SMAD6: variants seen among roughly 807,000 people sequenced by gnomAD.
SMAD6 encodes the protein MAD homolog 6.
In SMAD6, 103 loss-of-function variants were observed where a neutral mutation model predicts 39.4. The ratio of observed to expected loss-of-function variants is 2.62; its 90% CI spans 2.23 to 3.08. The LOEUF (loss-of-function observed/expected upper bound fraction) is 3.08. Ranked by LOEUF, SMAD6 falls within the 30% of genes most tolerant of loss-of-function variation. The pLI is 0.00. For synonymous variants in SMAD6, 445 were observed against 353.3 expected (o/e 1.26, Z -2.91); for missense variants, 1,104 against 742.9 (o/e 1.49, Z -5.65).
At chr15:66,751,265 G>A (rs1032011441) in intron 3 of SMAD6, among the ~76,000 whole-genome samples, 1 of 152,198 alleles carries the variant, frequency 6.6e-6, no homozygotes, top group Non-Finnish European at 1.5e-5. Context: ...AGAATCCGAA[G>A]GTGGGGCCAG....
At chr15:66,765,245 G>T (rs1894268407) in intron 3 of SMAD6, among the ~76,000 whole-genome samples, 1 of 151,842 alleles carries the variant, frequency 6.6e-6, no homozygotes, top group African/African-American at 2.4e-5. Context: ...TTTTTTTTGA[G>T]ACAGAGTCTG....
At chr15:66,736,634 C>T (rs1223711678) in intron 3 of SMAD6, among the ~76,000 whole-genome samples, 1 of 152,036 alleles carries the variant, frequency 6.6e-6, no homozygotes, top group African/African-American at 2.4e-5. Context: ...ACATCAGAGT[C>T]CCTGTTAGAC....
chr15:66,720,123 T>G (rs1893406086), intron 3 of SMAD6, among the ~76,000 whole-genome samples: 1 of 152,240 alleles, frequency 6.6e-6, no homozygotes, highest in Admixed American at 6.5e-5. Context: ...TCCTCTTCTC[T>G]GCTGTATTTC....
chr15:66,771,258 T>C (rs1368692653), intron 3 of SMAD6, among the ~76,000 whole-genome samples: 1 of 152,178 alleles, frequency 6.6e-6, no homozygotes, highest in East Asian at 1.9e-4. Flanking sequence ...GAGGAGACAC[T>C]GAGCAGGCCT....
In SMAD6 at chr15:66,742,121, G is replaced by A. The variant is rs1893825876; in HGVS notation, c.952+25623G>A. On this transcript the variant is annotated intron_variant, in intron 3 of 3. Transcript: ENST00000288840. ...GGGTAGTCACTTACTCAGAGCTAGTGACCTTTTAAGCCTCAGCATATGGAA... is the reference window on the plus strand; with the variant it reads ...GGGTAGTCACTTACTCAGAGCTAGTAACCTTTTAAGCCTCAGCATATGGAA... Among the ~76,000 whole-genome samples the A allele has an allele frequency of 2.0e-5, 3 of 152,168 alleles. No homozygotes were observed. In the South Asian group the frequency reaches 6.2e-4, roughly 32 times the overall value.
At chr15:66,757,468 C>A (rs1894121626) in intron 3 of SMAD6, among the ~76,000 whole-genome samples, 1 of 152,166 alleles carries the variant, frequency 6.6e-6, no homozygotes. Flanking sequence ...TGAGCAGAGG[C>A]CCAGAGATGG....
intron 3 of SMAD6, among the ~76,000 whole-genome samples, chr15:66,764,848 A>T (rs1894262032): frequency 6.6e-6 from 1 of 152,236 alleles, no homozygotes; most frequent in Non-Finnish European, 1.5e-5. Flanking sequence ...TGTTGCTGAC[A>T]TCAAGTACCC....
chr15:66,704,101 G>T (rs771820557), intron 1 of SMAD6, 26 bp downstream of exon 1: 2 of 1,414,524 alleles, frequency 1.4e-6, no homozygotes, highest in African/African-American at 1.5e-5. Context: ...CGGCCGGGGG[G>T]GCCCCGGGTC....
chr15:66,776,938 G>A (rs1394455895), intron 3 of SMAD6, among the ~76,000 whole-genome samples: 2 of 152,126 alleles, frequency 1.3e-5, no homozygotes, highest in African/African-American at 4.8e-5. Context: ...TTGGGAAGCT[G>A]AGGAGGGAGA....
At chr15:66,751,968 A>C (rs1275800626) in intron 3 of SMAD6, among the ~76,000 whole-genome samples, 9 of 151,488 alleles carry the variant, frequency 5.9e-5, no homozygotes, top group Non-Finnish European at 1.2e-4. Flanking sequence ...CTTCCGTAGG[A>C]AGCTGCTATG....
rs576735659 is a variant in SMAD6 at position 66,750,634 on chromosome 15, G to A, written c.953-30363G>A. Among the ~76,000 whole-genome samples, 664 of 152,118 alleles carry A rather than the reference G, an allele frequency of 4.4e-3. 12 individuals carry two copies. Among genetic ancestry groups the A allele is most frequent in the African/African-American group, 0.015 (631 of 41,510 alleles). On this transcript the variant is annotated intron_variant, in intron 3 of 3. Coordinates refer to ENST00000288840, the MANE Select transcript of SMAD6 (RefSeq NM_005585.5). ...AGTGCCCGGTTTATTGAGGCGGGGGGTTGACCAGGAAACAGCAGTTAGGAG... is the reference window on the plus strand; with the variant it reads ...AGTGCCCGGTTTATTGAGGCGGGGGATTGACCAGGAAACAGCAGTTAGGAG...
chr15:66,778,961 A>T (rs1251566193), intron 3 of SMAD6, among the ~76,000 whole-genome samples: 2 of 152,068 alleles, frequency 1.3e-5, no homozygotes, highest in Non-Finnish European at 2.9e-5. Flanking sequence ...TGTGCCTGAC[A>T]CACTCGTGGA....
intron 1 of SMAD6, chr15:66,705,905 T>A (rs1297771478): frequency 6.6e-6 from 1 of 152,076 alleles, no homozygotes; most frequent in Non-Finnish European, 1.5e-5. Flanking sequence ...CCTTGGAGGA[T>A]GGGTCAGAGG....
At chr15:66,760,842 T>C (rs1202483246) in intron 3 of SMAD6, among the ~76,000 whole-genome samples, 1 of 152,176 alleles carries the variant, frequency 6.6e-6, no homozygotes, top group African/African-American at 2.4e-5. Flanking sequence ...TGGTTTGGTC[T>C]CCTTCCTGCC....
intron 3 of SMAD6, among the ~76,000 whole-genome samples, chr15:66,726,820 A>G (rs532645980): frequency 3.3e-5 from 5 of 151,884 alleles, no homozygotes; most frequent in Non-Finnish European, 7.4e-5. Flanking sequence ...AGTTTTGGAA[A>G]AGCTTAGACC....
Position 66,766,722 on chromosome 15 carries a change from T to C in SMAD6, c.953-14275T>C, listed in dbSNP as rs181647144. Among the ~76,000 whole-genome samples the C allele has an allele frequency of 1.1e-3, 161 of 152,278 alleles. No homozygotes were observed. The East Asian group carries it at 0.015, about 14-fold the overall frequency. ...GAAAGGCACCCCCTCCTCTCACCTA[T>C]CACACAGGTCCCTGTAGCTGCAAAC... On this transcript the variant is annotated intron_variant, in intron 3 of 3. Coordinates refer to ENST00000288840, the MANE Select transcript of SMAD6 (RefSeq NM_005585.5).
At chr15:66,726,958 C>T (rs966268420) in intron 3 of SMAD6, among the ~76,000 whole-genome samples, 1 of 152,044 alleles carries the variant, frequency 6.6e-6, no homozygotes, top group Non-Finnish European at 1.5e-5. Context: ...GATCGCAGAG[C>T]CCCCAGACTG....
At chr15:66,727,637 A>T (rs55970476) in intron 3 of SMAD6, among the ~76,000 whole-genome samples, 20,081 of 152,204 alleles carry the variant, frequency 0.13, 1,548 homozygotes, top group Admixed American at 0.25. Flanking sequence ...CTTGAATGCC[A>T]CTTCAGGGAG....
At chr15:66,744,891 C>G (rs1893881255) in intron 3 of SMAD6, among the ~76,000 whole-genome samples, 2 of 152,174 alleles carry the variant, frequency 1.3e-5, no homozygotes, top group Non-Finnish European at 2.9e-5. Context: ...CTGACTGAGC[C>G]TCAGTTTTCT....
Sources: allele counts gnomAD v4.1 joint callset (sites outside exome capture counted in the v4.1 genomes callset), GRCh38; gene constraint gnomAD v4.1.1; transcripts MANE v1.5; gene names NCBI Gene and HGNC (gene_info 2026-07-23, HGNC 2026-07-21).